VWA7: variants seen among roughly 807,000 people sequenced by gnomAD.
VWA7 encodes von Willebrand factor A domain containing 7.
In VWA7, 66 loss-of-function variants were observed where a neutral mutation model predicts 83.1. The observed-to-expected ratio is 0.79, with a 90% CI of 0.65 to 0.98. The LOEUF (loss-of-function observed/expected upper bound fraction) is 0.98, where lower values mean the gene tolerates loss of function less well. Ranked by LOEUF, VWA7 falls within the 50% of genes least tolerant of loss-of-function variation. The probability of loss-of-function intolerance (pLI) is 0.00; values close to 1 mark genes in which losing one functional copy is unlikely to be tolerated. For synonymous variants in VWA7, 424 were observed against 488.5 expected, an observed-to-expected ratio of 0.87 and a Z score of 1.74; for missense variants, 1,080 against 1,160.2, an observed-to-expected ratio of 0.93 and a Z score of 1.00.
Position 31,766,360 on chromosome 6 carries a change from C to T in VWA7, c.2209G>A (p.Ala737Thr), listed in dbSNP as rs761555424. Reference sequence around the variant, plus strand: ...CTGAGCGGGACTTTGCTGCCCGGGGCCAAGAAACCCGAGGGGCCACTAAGC... The same window carrying T: ...CTGAGCGGGACTTTGCTGCCCGGGGTCAAGAAACCCGAGGGGCCACTAAGC... The part of the protein sequence containing the change: ...LELSGPSGFL[A>T]PGSKVPLSLR... The change falls in exon 15 of 17, where the codon GCC becomes ACC. Residue 737 changes from alanine to threonine, a missense_variant. Coordinates refer to ENST00000375688, the MANE Select transcript of VWA7 (RefSeq NM_025258.3). The surrounding 1 kb of genome is among the most constrained non-coding windows in gnomAD (Gnocchi z 4.9). The T allele has an allele frequency of 5.0e-6, 8 of 1,603,616 alleles. No homozygotes were observed. Among genetic ancestry groups the T allele is most frequent in the Non-Finnish European group, 5.1e-6 (6 of 1,176,172 alleles).
intron 7 of VWA7, among the ~76,000 whole-genome samples, chr6:31,772,324 A>T (rs1812257112): frequency 6.6e-6 from 1 of 151,306 alleles, no homozygotes; most frequent in Admixed American, 6.6e-5. Flanking sequence ...ATTTTTATTA[A>T]TTTTTTTGTA....
At chr6:31,770,786 G>C (rs952078647) in intron 7 of VWA7, among the ~76,000 whole-genome samples, 1 of 151,574 alleles carries the variant, frequency 6.6e-6, no homozygotes, top group Non-Finnish European at 1.5e-5. Flanking sequence ...GAAGTGGGAG[G>C]ATCACTTGAG....
rs1192168222 is a variant in VWA7 at position 31,776,833 on chromosome 6, C to G, written c.-15-39G>C. 8.3e-7 allele frequency: 1 copy of G among 1,203,618 alleles called. No individual in the cohort carries two copies. Among genetic ancestry groups the G allele is most frequent in the African/African-American group, 1.6e-5 (1 of 63,346 alleles). 74.6% of individuals were successfully genotyped at this position (1,203,618 alleles called of 1,614,324 possible). On this transcript the variant is annotated intron_variant, in intron 1 of 16. Coordinates refer to ENST00000375688, the MANE Select transcript of VWA7 (RefSeq NM_025258.3). The surrounding 1 kb of genome is among the most constrained non-coding windows in gnomAD (Gnocchi z 6.2). ...GGCTCTCAAGGGAGGAGGAAGCAGC[C>G]GCGATTCCAGGGCAGGCCGGCTCTG...
rs981998231 is a variant in VWA7, at chr6:31,768,890, C to T, written c.1503+128G>A. ...GTCATGGATCTAAGAGGAAGAGAAA[C>T]TTCCTTTCCTGCCCCGTGACTGGAA... On this transcript the variant is annotated intron_variant, in intron 10 of 16. Coordinates refer to ENST00000375688, the MANE Select transcript of VWA7 (RefSeq NM_025258.3). 10 of 1,062,266 alleles carry T rather than the reference C, an allele frequency of 9.4e-6. No homozygotes were observed. In the Admixed American group the frequency reaches 2.5e-4, roughly 26 times the overall value. 65.8% of individuals were successfully genotyped at this position (1,062,266 alleles called of 1,614,324 possible).
intron 10 of VWA7, among the ~76,000 whole-genome samples, 175 bp downstream of exon 10, chr6:31,768,841 CAA>C (rs373655053): frequency 7.5e-6 from 1 of 132,478 alleles, no homozygotes. Flanking sequence ...GACTCCATCT[CAA>C]AAAAAAAAAA....
intron 7 of VWA7, among the ~76,000 whole-genome samples, chr6:31,772,078 A>G (rs925803284): frequency 6.6e-6 from 1 of 151,218 alleles, no homozygotes; most frequent in Non-Finnish European, 1.5e-5. Flanking sequence ...AGCATGAATC[A>G]TGCATTAAAC....
chr6:31,768,823 G>C (rs1157752020), intron 10 of VWA7, among the ~76,000 whole-genome samples, 195 bp downstream of exon 10: 1 of 151,384 alleles, frequency 6.6e-6, no homozygotes, highest in Non-Finnish European at 1.5e-5. Flanking sequence ...CAACCTGGGT[G>C]ACCATAAGAC....
At chr6:31,770,230 TAAC>T in intron 7 of VWA7, 117 bp from the exon 8 acceptor site, 1 of 753,510 alleles carries the variant, frequency 1.3e-6, no homozygotes, top group South Asian at 1.7e-5. Flanking sequence ...GGTATTGAAA[TAAC>T]AATACTCCAT....
In VWA7 at chr6:31,777,071, T is replaced by A. The variant is rs1407278367; in HGVS notation, c.-16+38A>T. On this transcript the variant is annotated intron_variant, in intron 1 of 16. Coordinates refer to ENST00000375688, the MANE Select transcript of VWA7 (RefSeq NM_025258.3). This position sits in a 1 kb window ranked among gnomAD's most constrained non-coding sequence, Gnocchi z 5.8. ...AGCCCTGCCGCAGAAACACTCCCCA[T>A]GCTCAGGAAGCCTGAGTCCTCTCAG... The A allele has an allele frequency of 2.5e-6, 1 of 401,658 alleles. No individual in the cohort carries two copies. The highest frequency in any genetic ancestry group is 4.4e-6 in the Non-Finnish European group (1 of 226,498). 24.9% of individuals were successfully genotyped at this position (401,658 alleles called of 1,614,324 possible).
chr6:31,766,585 A>G lies in VWA7; in HGVS notation c.2062T>C (p.Ser688Pro), dbSNP rs1175286440. ...PERGLLAASL[S>P]PTLLSTPRPF... ...CTAGGGGTGGACAGCAGCGTGGGCG[A>G]CAGCGAGGCTGCGAGGAGACCTCGC... Residue 688 changes from serine (S) to proline (P), a missense_variant, in exon 14 of 17, where the codon TCG becomes CCG. Transcript: ENST00000375688. The surrounding 1 kb of genome is among the most constrained non-coding windows in gnomAD (Gnocchi z 4.9). The G allele has an allele frequency of 6.2e-7, 1 of 1,613,012 alleles. No homozygotes were observed. Among genetic ancestry groups the G allele is most frequent in the African/African-American group, 1.3e-5 (1 of 75,070 alleles).
chr6:31,771,555 C>T (rs576094230), intron 7 of VWA7: 1 of 152,344 alleles, frequency 6.6e-6, no homozygotes, highest in East Asian at 1.9e-4. Context: ...CCTAAAGACA[C>T]ACAGTCAGAC....
chr6:31,771,363 C>A (rs780593164), intron 7 of VWA7: 5 of 152,388 alleles, frequency 3.3e-5, no homozygotes, highest in Non-Finnish European at 7.3e-5. Flanking sequence ...CCAAGCTAAC[C>A]AATCATATCC....
Position 31,775,569 on chromosome 6 carries a change from G to C in VWA7, c.514-140C>G. ...CTACTGCTCCCACCAGACACCCCAA[G>C]TCCCCTCCACTGCCCTCTCTCCATT... On this transcript the variant is annotated intron_variant, in intron 3 of 16. Coordinates refer to ENST00000375688, the MANE Select transcript of VWA7 (RefSeq NM_025258.3). The surrounding 1 kb of genome is among the most constrained non-coding windows in gnomAD (Gnocchi z 5.9). The C allele has an allele frequency of 1.5e-6, 1 of 677,658 alleles. No individual in the cohort carries two copies. The highest frequency in any genetic ancestry group is 2.5e-6 in the Non-Finnish European group (1 of 407,958). The allele number at this position is 677,658 out of a possible 1,614,324, so 42.0% of individuals were successfully genotyped here. A position where few individuals can be genotyped will look rare whatever the true frequency, so the allele number is the denominator to read the frequency against.
chr6:31,777,169 CAG>C lies in VWA7; in HGVS notation c.-78_-77del, dbSNP rs1812768603. The C allele has an allele frequency of 1.4e-5, 5 of 365,446 alleles. No individual in the cohort carries two copies. The East Asian group carries it at 2.3e-4, about 17-fold the overall frequency. The allele number at this position is 365,446 out of a possible 1,614,324, so 22.6% of individuals were successfully genotyped here. A position where few individuals can be genotyped will look rare whatever the true frequency, so the allele number is the denominator to read the frequency against. ...GCTTGACGTCACAGGGCACTTAGGT[CAG>C]AGTTATAATTAACCGAGGCTCAGCA... On this transcript the variant is annotated 5_prime_UTR_variant, in exon 1 of 17. Coordinates refer to ENST00000375688, the MANE Select transcript of VWA7 (RefSeq NM_025258.3). This position sits in a 1 kb window ranked among gnomAD's most constrained non-coding sequence, Gnocchi z 5.8.
chr6:31,769,988 G>C lies in VWA7; in HGVS notation c.1200+13C>G. On this transcript the variant is annotated intron_variant, in intron 8 of 16. Coordinates refer to ENST00000375688, the MANE Select transcript of VWA7 (RefSeq NM_025258.3). This position sits in a 1 kb window ranked among gnomAD's most constrained non-coding sequence, Gnocchi z 4.5. ...GTGGGGCCAGGAAACGGGGAAGAAGGGAGGGGCCAGACCTGCAGGGCTGAC... is the reference window on the plus strand; with the variant it reads ...GTGGGGCCAGGAAACGGGGAAGAAGCGAGGGGCCAGACCTGCAGGGCTGAC... 2 of 1,611,712 alleles carry C rather than the reference G, an allele frequency of 1.2e-6. No homozygotes were observed. Among genetic ancestry groups the C allele is most frequent in the Non-Finnish European group, 1.7e-6 (2 of 1,178,992 alleles).
Position 31,766,625 on chromosome 6 carries a change from G to A in VWA7, c.2022C>T (p.Pro674=). The A allele has an allele frequency of 1.2e-6, 2 of 1,613,056 alleles. No individual in the cohort carries two copies. The highest frequency in any genetic ancestry group is 2.2e-5 in the South Asian group (2 of 91,088). The part of the protein sequence containing the change: ...GAELGQVPLE[P]VGPPERGLLA... ...GGAGACCTCGCTCCGGAGGTCCCAC[G>A]GGCTCCAAGGGCACCTGGCCTAGTT... is the stretch of plus-strand genomic sequence containing the variant. Residue 674 remains proline, a synonymous_variant, in exon 14 of 17, where the codon CCC becomes CCT. Transcript: ENST00000375688. This position sits in a 1 kb window ranked among gnomAD's most constrained non-coding sequence, Gnocchi z 4.9.
Position 31,775,816 on chromosome 6 carries a change from G to A in VWA7, c.513+148C>T. On this transcript the variant is annotated intron_variant, in intron 3 of 16. Coordinates refer to ENST00000375688, the MANE Select transcript of VWA7 (RefSeq NM_025258.3). The surrounding 1 kb of genome is among the most constrained non-coding windows in gnomAD (Gnocchi z 5.9). ...ACTGCCAGCTTGGAGGTGGGGAACT[G>A]GGACACAGCCTCGGGGCACCGCGTG... 7.5e-7 allele frequency: 1 copy of A among 1,341,218 alleles called. No homozygotes were observed. Among genetic ancestry groups the A allele is most frequent in the Non-Finnish European group, 1.0e-6 (1 of 990,660 alleles). 83.1% of individuals were successfully genotyped at this position (1,341,218 alleles called of 1,614,324 possible).
chr6:31,767,051 A>C lies in VWA7; in HGVS notation c.1882+107T>G, dbSNP rs538352022. The C allele has an allele frequency of 3.8e-3, 1,437 of 374,180 alleles. 11 individuals are homozygous for C. Among genetic ancestry groups the C allele is most frequent in the Middle Eastern group, 8.6e-3 (12 of 1,394 alleles). The allele number at this position is 374,180 out of a possible 1,614,324, so 23.2% of individuals were successfully genotyped here. On this transcript the variant is annotated intron_variant, in intron 13 of 16. Transcript: ENST00000375688. ...GTTATGCATATGCACAGATGTATGT[A>C]TACATATATACATTATATATATAAT...
intron 5 of VWA7, 25 bp downstream of exon 5, chr6:31,774,491 T>C (rs377759753): frequency 1.2e-6 from 2 of 1,606,082 alleles, no homozygotes; most frequent in Non-Finnish European, 1.7e-6. Context: ...TCCCCTTACT[T>C]CTGGGGAACT....
Sources: gnomAD v4.1 joint callset for allele counts (sites outside exome capture counted in the v4.1 genomes callset) on GRCh38, gnomAD v4.1.1 for gene constraint, Gnocchi (gnomAD v3.1) non-coding constraint, MANE v1.5 for transcripts, NCBI Gene and HGNC (gene_info 2026-07-23, HGNC 2026-07-21) for gene names.